The following GRIN2A variants were observed in gnomAD, a reference collection of about 807,000 sequenced individuals.
The protein encoded by GRIN2A is glutamate ionotropic receptor NMDA type subunit 2A, also known as glutamate receptor ionotropic, NMDA 2A.
In GRIN2A, 22 loss-of-function variants were observed where a neutral mutation model predicts 113.4. The observed-to-expected ratio is 0.19, with a 90% CI of 0.14 to 0.28. GRIN2A has a LOEUF of 0.28. GRIN2A is among the 10% of genes least tolerant of loss of function. GRIN2A has a pLI of 1.00. For missense variants in GRIN2A, 1,502 were observed against 1,887.0 expected, an observed-to-expected ratio of 0.80 and a Z score of 3.78; for synonymous variants, 827 against 738.4, an observed-to-expected ratio of 1.12 and a Z score of -1.94.
chr16:10,120,128 T>C (rs2048806529), intron 2 of GRIN2A, among the ~76,000 whole-genome samples: 1 of 152,244 alleles, frequency 6.6e-6, no homozygotes, highest in African/African-American at 2.4e-5. Flanking sequence ...TTGATAATTC[T>C]GTTTTAAGTT....
chr16:9,907,416 CA>C (rs2044048126), intron 3 of GRIN2A, among the ~76,000 whole-genome samples: 1 of 152,032 alleles, frequency 6.6e-6, no homozygotes, highest in South Asian at 2.1e-4. Flanking sequence ...CTCCGAAACC[CA>C]AAACTACAGA....
chr16:9,789,100 C>A (rs955166037), intron 11 of GRIN2A, among the ~76,000 whole-genome samples: 3 of 152,202 alleles, frequency 2.0e-5, no homozygotes, highest in Admixed American at 2.0e-4. Context: ...CAAACTTGTT[C>A]TGTAAAAGGC....
chr16:10,087,372 G>A (rs2048104662), intron 2 of GRIN2A, among the ~76,000 whole-genome samples: 1 of 152,342 alleles, frequency 6.6e-6, no homozygotes, highest in Non-Finnish European at 1.5e-5. Flanking sequence ...GAATGTAAGT[G>A]GGAGTGACAG....
At chr16:9,972,296 C>A (rs1303172118) in intron 2 of GRIN2A, among the ~76,000 whole-genome samples, 5 of 152,236 alleles carry the variant, frequency 3.3e-5, no homozygotes, top group African/African-American at 4.8e-5. Flanking sequence ...GGAAATATAA[C>A]CCACAATATA....
intron 2 of GRIN2A, among the ~76,000 whole-genome samples, chr16:9,954,114 A>T (rs2045249710): frequency 6.6e-6 from 1 of 152,214 alleles, no homozygotes; most frequent in South Asian, 2.1e-4. Context: ...CTTGTGCCAG[A>T]AAACACAGGA....
At chr16:9,765,025 T>A in intron 12 of GRIN2A, 77 bp from the exon 13 acceptor site, 1 of 1,585,750 alleles carries the variant, frequency 6.3e-7, no homozygotes, top group Non-Finnish European at 8.6e-7. Context: ...GAACTTTACC[T>A]GCAAAGGTGA....
chr16:10,105,983 C>T lies in GRIN2A; in HGVS notation c.414+74015G>A, dbSNP rs540528832. On this transcript the variant is annotated intron_variant, in intron 2 of 12. Coordinates refer to ENST00000330684, the MANE Select transcript of GRIN2A (RefSeq NM_001134407.3). ...ATATGCAAAGGTATATGTATATGCACATACATGCATACATGTGTATAGATA... is the reference window on the plus strand; with the variant it reads ...ATATGCAAAGGTATATGTATATGCATATACATGCATACATGTGTATAGATA... 1.2e-4 allele frequency among the ~76,000 whole-genome samples: 19 copies of T among 152,332 alleles called. No homozygotes were observed. The East Asian group carries it at 3.7e-3, about 29-fold the overall frequency.
intron 7 of GRIN2A, among the ~76,000 whole-genome samples, chr16:9,836,638 G>A (rs989804916): frequency 6.6e-6 from 1 of 152,196 alleles, no homozygotes; most frequent in Admixed American, 6.5e-5. Flanking sequence ...CTCTGCTGCA[G>A]TAGTCTTGTT....
rs149698593 is a variant in GRIN2A, at chr16:9,764,881, G to A, written c.2663C>T (p.Thr888Met). ...EKKKSPDFNL[T>M]GSQSNMLKLL... The stretch of plus-strand genomic sequence containing the variant: ...TTTTAACATGTTGCTCTGGGATCCC[G>A]TCAGATTGAAGTCTGGAGACTTCTT... Residue 888 changes from threonine (T) to methionine (M), a missense_variant, in exon 13 of 13, where the codon ACG (threonine) becomes ATG (methionine). By Grantham distance (81) the Thr-to-Met change is moderately conservative. This residue lies in a region of GRIN2A where 832 missense variants were observed against 789.7 expected (regional missense o/e 1.05). Coordinates refer to ENST00000330684, the MANE Select transcript of GRIN2A (RefSeq NM_001134407.3). 3.1e-5 allele frequency: 50 copies of A among 1,614,096 alleles called. No individual in the cohort carries two copies. The highest frequency in any genetic ancestry group is 3.7e-5 in the Non-Finnish European group (44 of 1,179,968).
chr16:10,146,037 C>A (rs2049431950), intron 2 of GRIN2A, among the ~76,000 whole-genome samples: 2 of 152,180 alleles, frequency 1.3e-5, no homozygotes, highest in African/African-American at 4.8e-5. Context: ...CTATAGGACA[C>A]CCTTGGTGCC....
At chr16:9,860,656 A>T (rs977120569) in intron 4 of GRIN2A, among the ~76,000 whole-genome samples, 2 of 152,080 alleles carry the variant, frequency 1.3e-5, no homozygotes, top group African/African-American at 4.8e-5. Flanking sequence ...TAGCTAGAAG[A>T]TTCGGAAGGC....
chr16:10,140,654 T>G (rs2049307718), intron 2 of GRIN2A, among the ~76,000 whole-genome samples: 1 of 152,186 alleles, frequency 6.6e-6, no homozygotes, highest in Non-Finnish European at 1.5e-5. Flanking sequence ...TCTCAGGATA[T>G]GCACATGACC....
At chr16:9,839,365 C>G (rs1190055744) in intron 7 of GRIN2A, among the ~76,000 whole-genome samples, 1 of 151,180 alleles carries the variant, frequency 6.6e-6, no homozygotes, top group Non-Finnish European at 1.5e-5. Flanking sequence ...AAACATAGCT[C>G]TTCCTTGATT....
intron 2 of GRIN2A, among the ~76,000 whole-genome samples, chr16:9,974,007 T>A (rs2045726919): frequency 1.3e-5 from 2 of 152,070 alleles, no homozygotes; most frequent in South Asian, 2.1e-4. Context: ...AGCATAAATA[T>A]CTGGATAAGC....
intron 10 of GRIN2A, among the ~76,000 whole-genome samples, chr16:9,811,652 G>C (rs562864172): frequency 6.6e-6 from 1 of 152,166 alleles, no homozygotes; most frequent in African/African-American, 2.4e-5. Context: ...CCCAGTACTC[G>C]GGATGCTGAG....
chr16:10,017,385 G>C (rs1381100143), intron 2 of GRIN2A, among the ~76,000 whole-genome samples: 1 of 152,054 alleles, frequency 6.6e-6, no homozygotes, highest in African/African-American at 2.4e-5. Context: ...TGGGGGCTGG[G>C]GATCATGAAA....
At position 10,031,044 on chromosome 16, in the gene GRIN2A, A is replaced by C. The variant is rs946653867; in HGVS notation, c.415-92493T>G. On this transcript the variant is annotated intron_variant, in intron 2 of 12. Coordinates refer to ENST00000330684, the MANE Select transcript of GRIN2A (RefSeq NM_001134407.3). The stretch of plus-strand genomic sequence containing the variant: ...GGCCAGGGAGAAATCTGAACTCGGG[A>C]AAGTGGTGTGGGGGCCAGAATTTGA... Among the ~76,000 whole-genome samples the C allele has an allele frequency of 2.6e-5, 4 of 152,268 alleles. No homozygotes were observed. In the East Asian group the frequency reaches 5.8e-4, roughly 22 times the overall value.
chr16:9,841,046 T>C lies in GRIN2A; in HGVS notation c.1387A>G (p.Ile463Val), dbSNP rs2042668596. ...ACAGTTCTGGAAAGCTTCTTCAGAA[T>C]ATCAATGCAGAACCCCTTGCAGCAT... ...KKCCKGFCID[I>V]LKKLSRTVKF... Residue 463 changes from isoleucine to valine, a missense_variant, in exon 6 of 13, where the codon ATT (isoleucine) becomes GTT (valine). Transcript: ENST00000330684. 6.2e-7 allele frequency: 1 copy of C among 1,613,574 alleles called. No individual in the cohort carries two copies.
At chr16:10,036,294 A>C (rs2047023511) in intron 2 of GRIN2A, among the ~76,000 whole-genome samples, 1 of 152,058 alleles carries the variant, frequency 6.6e-6, no homozygotes, top group Admixed American at 6.6e-5. Flanking sequence ...CTGAAAGTGT[A>C]AGATCAAGGT....
Sources: allele counts gnomAD v4.1 joint callset (sites outside exome capture counted in the v4.1 genomes callset), GRCh38; gene constraint gnomAD v4.1.1; regional missense constraint gnomAD v4.1.1; transcripts MANE v1.5; gene names NCBI Gene and HGNC (gene_info 2026-07-23, HGNC 2026-07-21).